The following GABRG3 variants were observed in gnomAD, a reference collection of about 807,000 sequenced individuals.
GABRG3 encodes the protein gamma-aminobutyric acid type A receptor subunit gamma3, also known as gamma-aminobutyric acid receptor subunit gamma-3.
Under a neutral mutation model 48.8 loss-of-function variants are expected in GABRG3, and 25 were observed. The observed-to-expected ratio is 0.51, with a 90% confidence interval of 0.37 to 0.72. GABRG3 has a LOEUF of 0.72. Ranked by LOEUF, GABRG3 falls within the 30% of genes least tolerant of loss-of-function variation. The pLI, the probability that GABRG3 is intolerant of heterozygous loss-of-function variation, is 0.00. For synonymous variants in GABRG3, 227 were observed against 217.6 expected (o/e 1.04, Z -0.38); for missense variants, 394 against 577.9 (o/e 0.68, Z 3.26).
rs1888493375 is a variant in GABRG3 at position 27,432,719 on chromosome 15, T to G, written c.575-47931T>G. On this transcript the variant is annotated intron_variant, in intron 5 of 9. Transcript: ENST00000615808. ...CTCATATCATGAAATCCTGGTTCCT[T>G]TTTGCTTAGCAGTTTATCTCCTCAA... is the stretch of plus-strand genomic sequence containing the variant. 2.0e-5 allele frequency among the ~76,000 whole-genome samples: 3 copies of G among 152,230 alleles called. No homozygotes were observed. The South Asian group carries it at 6.2e-4, about 32-fold the overall frequency.
intron 3 of GABRG3, among the ~76,000 whole-genome samples, chr15:27,141,960 G>C (rs1898111941): frequency 6.6e-6 from 1 of 152,014 alleles, no homozygotes; most frequent in Non-Finnish European, 1.5e-5. Flanking sequence ...AATATTTCTA[G>C]TTTTATTTCA....
At chr15:27,120,927 A>G (rs1566940417) in intron 3 of GABRG3, among the ~76,000 whole-genome samples, 1 of 152,142 alleles carries the variant, frequency 6.6e-6, no homozygotes, top group Non-Finnish European at 1.5e-5. Flanking sequence ...TTTAAAAATC[A>G]ATTTTTGCTC....
chr15:27,275,671 A>G (rs1324781377), intron 3 of GABRG3, among the ~76,000 whole-genome samples: 2 of 152,176 alleles, frequency 1.3e-5, no homozygotes, highest in East Asian at 1.9e-4. Flanking sequence ...CATGGGAGAA[A>G]ATGTATCTTC....
intron 3 of GABRG3, among the ~76,000 whole-genome samples, chr15:27,156,172 G>T (rs956838832): frequency 6.6e-6 from 1 of 151,374 alleles, no homozygotes; most frequent in Non-Finnish European, 1.5e-5. Context: ...GGTGGTGGGC[G>T]CCAGTAGTCC....
chr15:27,393,160 C>T (rs759195394), intron 5 of GABRG3, among the ~76,000 whole-genome samples: 15 of 151,840 alleles, frequency 9.9e-5, no homozygotes, highest in Non-Finnish European at 1.3e-4. Flanking sequence ...CCTGGCAACA[C>T]GGTGAAACCC....
At chr15:27,247,352 C>G (rs1780609711) in intron 3 of GABRG3, among the ~76,000 whole-genome samples, 1 of 152,084 alleles carries the variant, frequency 6.6e-6, no homozygotes, top group South Asian at 2.1e-4. Context: ...TCTGCAAAGC[C>G]CCTCTCAGGT....
At chr15:27,256,998 T>G (rs1257242334) in intron 3 of GABRG3, among the ~76,000 whole-genome samples, 2 of 152,192 alleles carry the variant, frequency 1.3e-5, no homozygotes, top group Non-Finnish European at 2.9e-5. Context: ...CTCCATGCTG[T>G]TTTTTTCTAA....
intron 6 of GABRG3, among the ~76,000 whole-genome samples, chr15:27,512,043 G>T (rs1293723609): frequency 6.6e-6 from 1 of 152,136 alleles, no homozygotes; most frequent in Non-Finnish European, 1.5e-5. Flanking sequence ...AACCATGAAG[G>T]AGTTTGTAGT....
chr15:27,198,721 C>T (rs1595580613), intron 3 of GABRG3, among the ~76,000 whole-genome samples: 3 of 152,090 alleles, frequency 2.0e-5, no homozygotes, highest in Admixed American at 6.6e-5. Context: ...GCACTATTCA[C>T]GATAGCAAAG....
chr15:27,248,502 G>A (rs1890334613), intron 3 of GABRG3, among the ~76,000 whole-genome samples: 1 of 152,134 alleles, frequency 6.6e-6, no homozygotes, highest in Admixed American at 6.6e-5. Context: ...AAAAAGGCCA[G>A]GCAAAGAACT....
intron 6 of GABRG3, among the ~76,000 whole-genome samples, chr15:27,501,141 C>G (rs926380370): frequency 2.6e-5 from 4 of 152,142 alleles, no homozygotes; most frequent in South Asian, 4.2e-4. Flanking sequence ...TTAGTAGAGA[C>G]AGGGTTTCAC....
At chr15:27,176,564 G>A (rs1887752650) in intron 3 of GABRG3, among the ~76,000 whole-genome samples, 1 of 152,158 alleles carries the variant, frequency 6.6e-6, no homozygotes, top group South Asian at 2.1e-4. Context: ...GTGATCCTGT[G>A]CTAAGAATAA....
intron 5 of GABRG3, among the ~76,000 whole-genome samples, chr15:27,405,458 A>G (rs1376155228): frequency 1.3e-5 from 2 of 152,224 alleles, no homozygotes; most frequent in Non-Finnish European, 2.9e-5. Context: ...TGGGGGGTCA[A>G]GGATTGCTTT....
chr15:27,527,690 G>A, intron 8 of GABRG3, 61 bp downstream of exon 8: 2 of 1,408,896 alleles, frequency 1.4e-6, no homozygotes, highest in Admixed American at 4.0e-5. Flanking sequence ...AGATGAGTGT[G>A]TACTTAAATG....
chr15:27,485,756 G>A (rs916022137), intron 6 of GABRG3, among the ~76,000 whole-genome samples: 1 of 152,044 alleles, frequency 6.6e-6, no homozygotes, highest in Non-Finnish European at 1.5e-5. Context: ...AGAAATCATG[G>A]CAACCAGAAG....
intron 5 of GABRG3, among the ~76,000 whole-genome samples, chr15:27,456,551 G>C (rs1239808436): frequency 6.6e-6 from 1 of 152,198 alleles, no homozygotes. Flanking sequence ...GAAGAGGCCA[G>C]GAGTCCACCA....
At chr15:27,513,689 T>C (rs1386985512) in intron 6 of GABRG3, among the ~76,000 whole-genome samples, 4 of 149,486 alleles carry the variant, frequency 2.7e-5, no homozygotes, top group Non-Finnish European at 4.4e-5. Flanking sequence ...TTAAAGGCTG[T>C]ATTGGAAAAA....
chr15:27,362,154 C>A (rs1432697200), intron 5 of GABRG3, among the ~76,000 whole-genome samples: 1 of 152,154 alleles, frequency 6.6e-6, no homozygotes, highest in African/African-American at 2.4e-5. Context: ...CTATTGAATG[C>A]TTTCAGGAGC....
chr15:27,111,762 A>G (rs773815970), intron 3 of GABRG3, among the ~76,000 whole-genome samples: 4 of 152,060 alleles, frequency 2.6e-5, no homozygotes, highest in Non-Finnish European at 4.4e-5. Context: ...TTTCTGCTTC[A>G]ATCTGTCTTG....
Sources: allele counts gnomAD v4.1 joint callset (sites outside exome capture counted in the v4.1 genomes callset), GRCh38; gene constraint gnomAD v4.1.1; transcripts MANE v1.5; gene names NCBI Gene and HGNC (gene_info 2026-07-23, HGNC 2026-07-21).